The following ADARB2 variants were observed in gnomAD, a reference collection of about 807,000 sequenced individuals.
ADARB2 encodes the protein adenosine deaminase RNA specific B2 (inactive).
Under a neutral mutation model 62.2 loss-of-function variants are expected in ADARB2, and 25 were observed. The ratio of observed to expected loss-of-function variants is 0.40; its 90% confidence interval spans 0.29 to 0.56. The LOEUF (loss-of-function observed/expected upper bound fraction) is 0.56. ADARB2 is among the 20% of genes least tolerant of loss of function. ADARB2 has a pLI of 0.43. For synonymous variants in ADARB2, 572 were observed against 500.8 expected, an observed-to-expected ratio of 1.14 and a Z score of -1.90; for missense variants, 1,071 against 1,077.4, an observed-to-expected ratio of 0.99 and a Z score of 0.08.
chr10:1,407,488 G>A (rs1832717228), intron 1 of ADARB2, among the ~76,000 whole-genome samples: 1 of 152,194 alleles, frequency 6.6e-6, no homozygotes, highest in Admixed American at 6.5e-5. Flanking sequence ...TTAAAAAATG[G>A]TTTCAGGTTG....
At chr10:1,514,838 T>A (rs1318634818) in intron 1 of ADARB2, among the ~76,000 whole-genome samples, 1 of 152,082 alleles carries the variant, frequency 6.6e-6, no homozygotes, top group Non-Finnish European at 1.5e-5. Flanking sequence ...CATGGAAAAT[T>A]ATGCAATTTG....
intron 1 of ADARB2, among the ~76,000 whole-genome samples, chr10:1,644,450 G>A (rs774318966): frequency 3.9e-5 from 6 of 152,218 alleles, no homozygotes; most frequent in East Asian, 3.9e-4. Flanking sequence ...AAGCTCGGTC[G>A]GGGGAGCAGG....
chr10:1,620,240 G>A (rs781667186), intron 1 of ADARB2, among the ~76,000 whole-genome samples: 1 of 152,042 alleles, frequency 6.6e-6, no homozygotes, highest in African/African-American at 2.4e-5. Flanking sequence ...TATTTAGATT[G>A]ACCGACCAGT....
At chr10:1,231,649 T>C (rs1315907310) in intron 6 of ADARB2, among the ~76,000 whole-genome samples, 1 of 152,218 alleles carries the variant, frequency 6.6e-6, no homozygotes, top group African/African-American at 2.4e-5. Context: ...GGCTTCCTTT[T>C]CTTCATTCCC....
At chr10:1,281,035 GAA>G (rs1299026386) in intron 3 of ADARB2, among the ~76,000 whole-genome samples, 1 of 152,186 alleles carries the variant, frequency 6.6e-6, no homozygotes, top group Non-Finnish European at 1.5e-5. Flanking sequence ...AAATCCATGA[GAA>G]AAAGACAAAG....
At chr10:1,244,252 C>T (rs1830956338) in intron 4 of ADARB2, among the ~76,000 whole-genome samples, 1 of 152,246 alleles carries the variant, frequency 6.6e-6, no homozygotes, top group Non-Finnish European at 1.5e-5. Context: ...AGGATGACAT[C>T]GTGATGCAGA....
rs761647547 is a variant in ADARB2 at position 1,217,133 on chromosome 10, G to A, written c.1514-14C>T. ...TGCTGCTGTGCACTAGGAGATAAAA[G>A]GGCGGGGAGGGGTGAGAAGAGGGAA... On this transcript the variant is annotated splice_polypyrimidine_tract_variant and intron_variant, in intron 6 of 9. Coordinates refer to ENST00000381312, the MANE Select transcript of ADARB2 (RefSeq NM_018702.4). The A allele has an allele frequency of 1.3e-6, 2 of 1,561,858 alleles. No homozygotes were observed. Among genetic ancestry groups the A allele is most frequent in the Non-Finnish European group, 1.7e-6 (2 of 1,151,822 alleles).
intron 7 of ADARB2, among the ~76,000 whole-genome samples, chr10:1,209,322 CCCA>C (rs1837111298): frequency 6.6e-6 from 1 of 151,804 alleles, no homozygotes; most frequent in Non-Finnish European, 1.5e-5. Flanking sequence ...CTCGCCCACA[CCCA>C]CGCCATCACC....
chr10:1,666,113 C>T (rs542892288), intron 1 of ADARB2, among the ~76,000 whole-genome samples: 1 of 152,294 alleles, frequency 6.6e-6, no homozygotes, highest in African/African-American at 2.4e-5. Flanking sequence ...GCCAATAACC[C>T]AGGAGTAGAG....
rs565267716 is a variant in ADARB2, at chr10:1,335,361, T to C, written c.1077+27667A>G. ...ATGGAAGAAAGGATGAAGGGAAGGC[T>C]GGAAGGAGGGATGAAGGGAGAAAAG... is the stretch of plus-strand genomic sequence containing the variant. On this transcript the variant is annotated intron_variant, in intron 3 of 9. Transcript: ENST00000381312. 1.2e-4 allele frequency among the ~76,000 whole-genome samples: 18 copies of C among 146,112 alleles called. No homozygotes were observed. In the South Asian group the frequency reaches 4.0e-3, roughly 32 times the overall value.
chr10:1,572,772 C>A (rs537923689), intron 1 of ADARB2, among the ~76,000 whole-genome samples: 36 of 152,304 alleles, frequency 2.4e-4, no homozygotes, highest in Non-Finnish European at 2.8e-4. Context: ...GGTGCTGCAG[C>A]CTGGGCTCCC....
chr10:1,525,475 T>C (rs1355587524), intron 1 of ADARB2, among the ~76,000 whole-genome samples: 1 of 152,320 alleles, frequency 6.6e-6, no homozygotes, highest in African/African-American at 2.4e-5. Flanking sequence ...CTGTTTCTCA[T>C]GGTCTCTCTT....
intron 4 of ADARB2, among the ~76,000 whole-genome samples, chr10:1,251,874 T>G (rs1032283358): frequency 5.3e-5 from 8 of 152,108 alleles, no homozygotes; most frequent in Non-Finnish European, 7.4e-5. Context: ...CTCCAAACGA[T>G]GTAGCAACAA....
At chr10:1,313,461 A>T (rs1358991040) in intron 3 of ADARB2, among the ~76,000 whole-genome samples, 1 of 152,214 alleles carries the variant, frequency 6.6e-6, no homozygotes, top group Admixed American at 6.5e-5. Flanking sequence ...GCCCATTCCA[A>T]AATGTGTCTC....
At chr10:1,351,403 G>A (rs1052019703) in intron 3 of ADARB2, among the ~76,000 whole-genome samples, 2 of 151,582 alleles carry the variant, frequency 1.3e-5, no homozygotes, top group African/African-American at 4.8e-5. Flanking sequence ...TTGACGGCCA[G>A]GCTTCTAAAC....
At position 1,266,002 on chromosome 10, in the gene ADARB2, C is replaced by T. The variant is rs587755115; in HGVS notation, c.1192+4953G>A. 4.6e-3 allele frequency among the ~76,000 whole-genome samples: 595 copies of T among 130,178 alleles called. 20 individuals are homozygous for T. Among genetic ancestry groups the T allele is most frequent in the African/African-American group, 0.017 (558 of 32,432 alleles). 85.4% of individuals were successfully genotyped at this position (130,178 alleles called of 152,430 possible). A position where few individuals can be genotyped will look rare whatever the true frequency, so the allele number is the denominator to read the frequency against. ...GGCCTGAGTCAGGTCCACGCTCCCCCGGAAGACGGCCTGAGAGGGGGGCCC... is the reference window on the plus strand; with the variant it reads ...GGCCTGAGTCAGGTCCACGCTCCCCTGGAAGACGGCCTGAGAGGGGGGCCC... On this transcript the variant is annotated intron_variant, in intron 4 of 9. Transcript: ENST00000381312.
At chr10:1,672,551 C>G (rs887439897) in intron 1 of ADARB2, among the ~76,000 whole-genome samples, 1 of 152,104 alleles carries the variant, frequency 6.6e-6, no homozygotes, top group Non-Finnish European at 1.5e-5. Flanking sequence ...AGGCCTCGCG[C>G]AGCTCCTGCC....
intron 1 of ADARB2, among the ~76,000 whole-genome samples, chr10:1,663,788 T>C (rs1834280454): frequency 6.6e-6 from 1 of 152,040 alleles, no homozygotes; most frequent in African/African-American, 2.4e-5. Context: ...CCTGGCTAAT[T>C]TTTGTATTTT....
At chr10:1,357,288 G>A (rs56356154) in intron 3 of ADARB2, among the ~76,000 whole-genome samples, 4,964 of 152,208 alleles carry the variant, frequency 0.033, 113 homozygotes, top group Non-Finnish European at 0.048. Flanking sequence ...CCCAAAAATC[G>A]TTAGTGTCCC....
Sources: allele counts gnomAD v4.1 joint callset (sites outside exome capture counted in the v4.1 genomes callset), GRCh38; gene constraint gnomAD v4.1.1; transcripts MANE v1.5; gene names NCBI Gene and HGNC (gene_info 2026-07-23, HGNC 2026-07-21).